The following MAML2 variants were observed in gnomAD, a reference collection of about 807,000 sequenced individuals.
MAML2 encodes mastermind-like protein 2.
In MAML2, 22 loss-of-function variants were observed where a neutral mutation model predicts 96.1. That is an observed-to-expected ratio of 0.23 (90% CI 0.16 to 0.33). MAML2 has a LOEUF of 0.33. Ranked by LOEUF, MAML2 falls within the 10% of genes least tolerant of loss-of-function variation. The pLI is 1.00. For synonymous variants in MAML2, 561 were observed against 521.3 expected, an observed-to-expected ratio of 1.08 and a Z score of -1.04; for missense variants, 1,367 against 1,392.4, an observed-to-expected ratio of 0.98 and a Z score of 0.29.
At chr11:96,223,914 A>C (rs1249511859) in intron 1 of MAML2, among the ~76,000 whole-genome samples, 1 of 152,220 alleles carries the variant, frequency 6.6e-6, no homozygotes, top group Non-Finnish European at 1.5e-5. Flanking sequence ...GCACTGAATT[A>C]TTTGATATTA....
At chr11:96,278,401 C>T (rs541350501) in intron 1 of MAML2, among the ~76,000 whole-genome samples, 1 of 152,256 alleles carries the variant, frequency 6.6e-6, no homozygotes, top group South Asian at 2.1e-4. Context: ...GGTCACTGCC[C>T]TAAGCCTATC....
intron 2 of MAML2, among the ~76,000 whole-genome samples, chr11:96,066,448 A>G (rs1305567008): frequency 6.6e-6 from 1 of 152,186 alleles, no homozygotes; most frequent in Admixed American, 6.5e-5. Flanking sequence ...AGGGACACAG[A>G]GGATGAATAA....
At position 95,979,742 on chromosome 11, in the gene MAML2, G is replaced by A; in HGVS notation, c.2677C>T (p.Gln893Ter). 1 of 1,613,994 alleles carries A rather than the reference G, an allele frequency of 6.2e-7. No individual in the cohort carries two copies. The highest frequency in any genetic ancestry group is 8.5e-7 in the Non-Finnish European group (1 of 1,179,888). Residue 893 changes from glutamine (Q) to a stop codon, truncating the protein, a stop_gained, in exon 5 of 5, where the codon CAG becomes TAG. Transcript: ENST00000524717. LOFTEE classifies it low-confidence loss of function (END_TRUNC). ...VTSGMNQLTQ[Q>*]RNPKQLLANQ... ...GCTAACAATTGCTTTGGGTTTCTCT[G>A]TTGGGTCAATTGATTCATTCCTGAA...
Position 96,169,032 on chromosome 11 carries a change from C to T in MAML2, c.514-75515G>A, listed in dbSNP as rs193244518. On this transcript the variant is annotated intron_variant, in intron 1 of 4. Transcript: ENST00000524717. Reference sequence around the variant, plus strand: ...CATAAATTGCTGATGTGACTTTTAGCAGGCCACTTTGCTTTTCTGGCCTCT... The same window carrying T: ...CATAAATTGCTGATGTGACTTTTAGTAGGCCACTTTGCTTTTCTGGCCTCT... 2.6e-5 allele frequency among the ~76,000 whole-genome samples: 4 copies of T among 152,280 alleles called. No individual in the cohort carries two copies. The East Asian group carries it at 7.7e-4, about 29-fold the overall frequency.
At chr11:96,174,989 T>C (rs2135904414) in intron 1 of MAML2, among the ~76,000 whole-genome samples, 1 of 152,336 alleles carries the variant, frequency 6.6e-6, no homozygotes, top group Admixed American at 6.5e-5. Context: ...CCGAGCACTT[T>C]GGAAAACATG....
chr11:96,163,108 G>C (rs191604779), intron 1 of MAML2, among the ~76,000 whole-genome samples: 7 of 152,292 alleles, frequency 4.6e-5, no homozygotes, highest in Middle Eastern at 3.4e-3. Flanking sequence ...TTACAGTGGA[G>C]TGCACACTAT....
intron 1 of MAML2, among the ~76,000 whole-genome samples, chr11:96,306,577 C>A (rs752579468): frequency 1.3e-5 from 2 of 152,242 alleles, no homozygotes; most frequent in South Asian, 4.1e-4. Context: ...AACATCTAGA[C>A]TGGGCCATGT....
intron 2 of MAML2, among the ~76,000 whole-genome samples, chr11:96,041,038 T>C (rs911966182): frequency 1.4e-4 from 22 of 152,228 alleles, no homozygotes; most frequent in Non-Finnish European, 1.0e-4. Flanking sequence ...TATGTGATTA[T>C]ACCACAATTT....
rs1859300923 is a variant in MAML2, at chr11:96,069,254, C to T, written c.2139+22638G>A. 2.6e-5 allele frequency among the ~76,000 whole-genome samples: 4 copies of T among 151,974 alleles called. No homozygotes were observed. The South Asian group carries it at 8.3e-4, about 32-fold the overall frequency. ...ATTTTCTTCCTTTCCCTCCCTCCCT[C>T]CCTTCCTCCCTTCCTCTCTTTCTTT... On this transcript the variant is annotated intron_variant, in intron 2 of 4. Coordinates refer to ENST00000524717, the MANE Select transcript of MAML2 (RefSeq NM_032427.4).
At chr11:96,225,396 T>C (rs1279649995) in intron 1 of MAML2, among the ~76,000 whole-genome samples, 1 of 152,194 alleles carries the variant, frequency 6.6e-6, no homozygotes, top group Non-Finnish European at 1.5e-5. Flanking sequence ...CTTCAGATGA[T>C]AGCCCCAGCA....
At chr11:96,066,904 T>G (rs189933010) in intron 2 of MAML2, among the ~76,000 whole-genome samples, 24 of 152,286 alleles carry the variant, frequency 1.6e-4, no homozygotes, top group Admixed American at 1.6e-3. Context: ...TGAGATGGGC[T>G]TGTACTTGGT....
rs1862873020 is a variant in MAML2 at position 96,269,065 on chromosome 11, CCACTT to C, written c.513+72313_513+72317del. Among the ~76,000 whole-genome samples the C allele has an allele frequency of 1.4e-5, 2 of 144,874 alleles. 1 individual carries two copies. ...AACAATATAATGTTGGCATCATAAT[CCACTT>C]CATTCATATACCATGGAAATGACTT... is the stretch of plus-strand genomic sequence containing the variant. On this transcript the variant is annotated intron_variant, in intron 1 of 4. Coordinates refer to ENST00000524717, the MANE Select transcript of MAML2 (RefSeq NM_032427.4).
chr11:96,012,782 CT>C lies in MAML2; in HGVS notation c.2140-21060del, dbSNP rs533125770. 1.8e-4 allele frequency among the ~76,000 whole-genome samples: 27 copies of C among 152,298 alleles called. 1 individual carries two copies. In the South Asian group the frequency reaches 5.6e-3, roughly 32 times the overall value. ...ACAGAAGATACCTTCACTACTGTTT[CT>C]ACATAAAAATAGCTTCTGTGTTGTC... On this transcript the variant is annotated intron_variant, in intron 2 of 4. Coordinates refer to ENST00000524717, the MANE Select transcript of MAML2 (RefSeq NM_032427.4).
chr11:95,981,008 G>C (rs1357406239), intron 4 of MAML2, among the ~76,000 whole-genome samples: 1 of 152,180 alleles, frequency 6.6e-6, no homozygotes, highest in Non-Finnish European at 1.5e-5. Flanking sequence ...TGGAGCCTTG[G>C]GAAGTTCGTG....
intron 2 of MAML2, among the ~76,000 whole-genome samples, chr11:96,007,956 G>C (rs1336013516): frequency 6.6e-6 from 1 of 150,470 alleles, no homozygotes; most frequent in Non-Finnish European, 1.5e-5. Context: ...CAGCGCACCA[G>C]CATGGCACAT....
At chr11:96,203,424 T>C (rs1423123105) in intron 1 of MAML2, among the ~76,000 whole-genome samples, 12 of 152,242 alleles carry the variant, frequency 7.9e-5, no homozygotes, top group Admixed American at 7.9e-4. Flanking sequence ...CCTATCAGAT[T>C]ATGCCTTAAA....
At chr11:96,216,410 C>T (rs1190130956) in intron 1 of MAML2, among the ~76,000 whole-genome samples, 4 of 152,148 alleles carry the variant, frequency 2.6e-5, no homozygotes, top group South Asian at 2.1e-4. Flanking sequence ...TCACCTTTCT[C>T]ATAAGGCTTT....
At chr11:96,091,866 T>C in intron 2 of MAML2, 26 bp downstream of exon 2, 1 of 1,598,330 alleles carries the variant, frequency 6.3e-7, no homozygotes, top group Non-Finnish European at 8.5e-7. Flanking sequence ...CTGGGAACTC[T>C]GTATTTGGAG....
intron 2 of MAML2, among the ~76,000 whole-genome samples, chr11:96,085,740 A>T (rs1283471703): frequency 6.6e-6 from 1 of 152,234 alleles, no homozygotes; most frequent in Non-Finnish European, 1.5e-5. Context: ...AGACCTTGGA[A>T]TGAGAATAAT....
Sources: gnomAD v4.1 joint callset for allele counts (sites outside exome capture counted in the v4.1 genomes callset) on GRCh38, gnomAD v4.1.1 for gene constraint, MANE v1.5 for transcripts, NCBI Gene and HGNC (gene_info 2026-07-23, HGNC 2026-07-21) for gene names.